The following SLC13A1 variants were observed in gnomAD, a reference collection of about 807,000 sequenced individuals.
The protein encoded by SLC13A1 is Na(+)/sulfate cotransporter.
In SLC13A1, 65 loss-of-function variants were observed where a neutral mutation model predicts 70.0. The ratio of observed to expected loss-of-function variants is 0.93; its 90% confidence interval spans 0.76 to 1.14. The LOEUF is 1.14. Among genes scored for constraint, SLC13A1 ranks in the 50% most tolerant of loss-of-function variants. SLC13A1 has a pLI of 0.00. For missense variants in SLC13A1, 726 were observed against 717.8 expected (o/e 1.01, Z -0.13); for synonymous variants, 275 against 250.5 (o/e 1.10, Z -0.92).
intron 3 of SLC13A1, among the ~76,000 whole-genome samples, chr7:123,170,222 C>A (rs146398393): frequency 6.6e-4 from 100 of 152,144 alleles, no homozygotes; most frequent in African/African-American, 2.3e-3. Flanking sequence ...TGTACAAGAA[C>A]AATACCACAC....
At chr7:123,143,148 G>A (rs1306027250) in intron 7 of SLC13A1, among the ~76,000 whole-genome samples, 2 of 152,082 alleles carry the variant, frequency 1.3e-5, no homozygotes, top group South Asian at 2.1e-4. Context: ...CGAGCAGTAG[G>A]AAGGAGTCTT....
At chr7:123,175,597 T>C (rs559841701) in intron 2 of SLC13A1, among the ~76,000 whole-genome samples, 3 of 152,220 alleles carry the variant, frequency 2.0e-5, no homozygotes, top group Non-Finnish European at 4.4e-5. Flanking sequence ...CAAGATGCCA[T>C]CTATGGAGCA....
At chr7:123,164,597 T>G (rs895048506) in intron 6 of SLC13A1, among the ~76,000 whole-genome samples, 1 of 151,992 alleles carries the variant, frequency 6.6e-6, no homozygotes, top group African/African-American at 2.4e-5. Context: ...TTTATTTCTC[T>G]TCCTTTTTTT....
chr7:123,186,808 A>T, intron 1 of SLC13A1: 1 of 452,186 alleles, frequency 2.2e-6, no homozygotes. Flanking sequence ...TTTTAGTATT[A>T]TGAATTCTTA....
In SLC13A1 at chr7:123,119,188, G is replaced by A. The variant is rs146478973; in HGVS notation, c.1405C>T (p.Pro469Ser). ...GNKLSPLGSLPAWLIILISSL... is the reference protein window; with the variant it reads ...GNKLSPLGSLSAWLIILISSL... ...GATATCAGAATTATTAGCCATGCTGGTAATGAACCCAGAGGAGATAATTTA... is the reference window on the plus strand; with the variant it reads ...GATATCAGAATTATTAGCCATGCTGATAATGAACCCAGAGGAGATAATTTA... Residue 469 changes from proline (P) to serine (S), a missense_variant, in exon 13 of 15, where the codon CCA becomes TCA. Coordinates refer to ENST00000194130, the MANE Select transcript of SLC13A1 (RefSeq NM_022444.4). 3.4e-5 allele frequency: 55 copies of A among 1,612,032 alleles called. No individual in the cohort carries two copies. The Middle Eastern group carries it at 8.2e-4, about 24-fold the overall frequency.
chr7:123,147,115 G>A, intron 7 of SLC13A1, 44 bp downstream of exon 7: 1 of 1,579,368 alleles, frequency 6.3e-7, no homozygotes, highest in Non-Finnish European at 8.6e-7. Context: ...TATAATTTTT[G>A]TGCTGCCCTT....
At chr7:123,119,808 C>G (rs1431441485) in intron 12 of SLC13A1, among the ~76,000 whole-genome samples, 1 of 151,818 alleles carries the variant, frequency 6.6e-6, no homozygotes, top group Non-Finnish European at 1.5e-5. Flanking sequence ...TTTCTTCATT[C>G]CCCCACATTC....
At chr7:123,118,878 G>A (rs1403106623) in intron 13 of SLC13A1, among the ~76,000 whole-genome samples, 1 of 152,052 alleles carries the variant, frequency 6.6e-6, no homozygotes, top group Non-Finnish European at 1.5e-5. Flanking sequence ...AGATCATGCT[G>A]CTTGAACATG....
At chr7:123,166,202 T>C (rs1464941235) in intron 6 of SLC13A1, among the ~76,000 whole-genome samples, 2 of 152,042 alleles carry the variant, frequency 1.3e-5, no homozygotes, top group African/African-American at 4.8e-5. Flanking sequence ...GGTCTTTTCA[T>C]CAAAAGACCT....
At chr7:123,185,381 C>T (rs1056830809) in intron 1 of SLC13A1, among the ~76,000 whole-genome samples, 2 of 151,980 alleles carry the variant, frequency 1.3e-5, no homozygotes, top group East Asian at 1.9e-4. Flanking sequence ...GAGCTATTCC[C>T]CTGTTTTGTA....
intron 1 of SLC13A1, among the ~76,000 whole-genome samples, chr7:123,189,459 G>A (rs2116658795): frequency 6.6e-6 from 1 of 151,906 alleles, no homozygotes; most frequent in South Asian, 2.1e-4. Context: ...CTTTCAATAA[G>A]GTTTACAATC....
At chr7:123,139,063 T>A (rs1269633465) in intron 7 of SLC13A1, among the ~76,000 whole-genome samples, 1 of 152,106 alleles carries the variant, frequency 6.6e-6, no homozygotes, top group Admixed American at 6.6e-5. Flanking sequence ...TTAGCTTAAG[T>A]GTTTAATTTA....
chr7:123,150,789 T>C (rs762542397), intron 6 of SLC13A1, among the ~76,000 whole-genome samples: 2 of 152,146 alleles, frequency 1.3e-5, no homozygotes, highest in African/African-American at 2.4e-5. Flanking sequence ...TCTCACTCTT[T>C]GGATTTTTCT....
chr7:123,127,838 AT>A (rs201644707), intron 10 of SLC13A1, among the ~76,000 whole-genome samples: 13,017 of 105,088 alleles, frequency 0.12, 264 homozygotes, highest in East Asian at 0.15. Flanking sequence ...CCAAAATACA[AT>A]TTTTTTTTTT....
At chr7:123,195,606 A>G (rs1273580768) in intron 1 of SLC13A1, among the ~76,000 whole-genome samples, 2 of 151,984 alleles carry the variant, frequency 1.3e-5, no homozygotes, top group Non-Finnish European at 2.9e-5. Flanking sequence ...TTTTATATCT[A>G]GCACCATAAG....
intron 4 of SLC13A1, 48 bp from the exon 5 acceptor site, chr7:123,168,609 A>G: frequency 6.9e-7 from 1 of 1,443,674 alleles, no homozygotes; most frequent in East Asian, 2.4e-5. Context: ...AGGGATTATC[A>G]TTGGGTTTGC....
intron 1 of SLC13A1, among the ~76,000 whole-genome samples, chr7:123,196,161 A>C (rs760908319): frequency 6.6e-5 from 10 of 152,108 alleles, no homozygotes; most frequent in Non-Finnish European, 1.2e-4. Flanking sequence ...AAATATTTAA[A>C]GAAATTTCTC....
intron 2 of SLC13A1, among the ~76,000 whole-genome samples, chr7:123,172,225 A>G (rs1252284250): frequency 6.6e-6 from 1 of 152,164 alleles, no homozygotes; most frequent in Non-Finnish European, 1.5e-5. Context: ...TGATTTGGGA[A>G]CGTTTTCAAT....
intron 1 of SLC13A1, among the ~76,000 whole-genome samples, chr7:123,195,538 C>T (rs1289445509): frequency 6.6e-6 from 1 of 151,922 alleles, no homozygotes; most frequent in Non-Finnish European, 1.5e-5. Context: ...GGATACTTCA[C>T]TTTTTAAAGT....
Sources: gnomAD v4.1 joint callset for allele counts (sites outside exome capture counted in the v4.1 genomes callset) on GRCh38, gnomAD v4.1.1 for gene constraint, MANE v1.5 for transcripts, NCBI Gene and HGNC (gene_info 2026-07-23, HGNC 2026-07-21) for gene names.